SUGCT: variants seen among roughly 807,000 people sequenced by gnomAD.
SUGCT encodes succinyl-CoA:glutarate CoA-transferase.
Under a neutral mutation model 55.0 loss-of-function variants are expected in SUGCT, and 41 were observed. That is an observed-to-expected ratio of 0.74 (90% CI 0.58 to 0.97). The LOEUF (loss-of-function observed/expected upper bound fraction) is 0.97. SUGCT is among the 50% of genes least tolerant of loss of function. SUGCT has a pLI of 0.00. For missense variants in SUGCT, 568 were observed against 547.8 expected, an observed-to-expected ratio of 1.04 and a Z score of -0.37; for synonymous variants, 187 against 200.4, an observed-to-expected ratio of 0.93 and a Z score of 0.56.
the SUGCT span, among the ~76,000 whole-genome samples, chr7:41,022,248 C>T: frequency 6.6e-6 from 1 of 152,032 alleles, no homozygotes; most frequent in Non-Finnish European, 1.5e-5. Flanking sequence ...AAATAATAAT[C>T]TTGTCATCAC....
the SUGCT span, among the ~76,000 whole-genome samples, chr7:40,938,116 C>T: frequency 0.081 from 12,384 of 152,232 alleles, 561 homozygotes; most frequent in African/African-American, 0.11. Flanking sequence ...TAATAGGCCA[C>T]GGACTGCTAC....
chr7:40,636,556 C>T (rs1800030672), intron 12 of SUGCT, among the ~76,000 whole-genome samples: 1 of 152,082 alleles, frequency 6.6e-6, no homozygotes. Flanking sequence ...GCACTGTAGT[C>T]CTTATAAAGG....
the SUGCT span, among the ~76,000 whole-genome samples, chr7:40,995,421 C>G: frequency 2.8e-5 from 3 of 108,558 alleles, no homozygotes; most frequent in African/African-American, 1.2e-4. Flanking sequence ...AGTTTACTCT[C>G]TTTCATCACC....
chr7:40,445,464 T>C (rs1788772715), intron 9 of SUGCT, among the ~76,000 whole-genome samples: 1 of 152,142 alleles, frequency 6.6e-6, no homozygotes, highest in South Asian at 2.1e-4. Context: ...GTTGAATCCC[T>C]GAATAGACCA....
chr7:40,687,214 G>C (rs1784505743), intron 12 of SUGCT, among the ~76,000 whole-genome samples: 2 of 152,124 alleles, frequency 1.3e-5, no homozygotes, highest in African/African-American at 4.8e-5. Context: ...AGAATTATGA[G>C]GGAAGAGTAA....
chr7:40,334,581 T>C (rs748081347), intron 9 of SUGCT, among the ~76,000 whole-genome samples: 5 of 152,154 alleles, frequency 3.3e-5, no homozygotes, highest in Non-Finnish European at 5.9e-5. Context: ...TATCCTTCGC[T>C]CACTTTTTGA....
At chr7:40,793,697 T>C (rs1790423126) in intron 13 of SUGCT, among the ~76,000 whole-genome samples, 1 of 152,172 alleles carries the variant, frequency 6.6e-6, no homozygotes. Flanking sequence ...TGAGAAGTCA[T>C]GTCTGTCAAC....
intron 12 of SUGCT, among the ~76,000 whole-genome samples, chr7:40,571,106 A>G (rs1179064778): frequency 6.6e-6 from 1 of 151,802 alleles, no homozygotes; most frequent in African/African-American, 2.4e-5. Context: ...TGATCAAAAT[A>G]CCACATAAAG....
intron 11 of SUGCT, among the ~76,000 whole-genome samples, chr7:40,475,039 T>C (rs1312374857): frequency 6.6e-6 from 1 of 152,212 alleles, no homozygotes; most frequent in African/African-American, 2.4e-5. Context: ...TCACTCTTTT[T>C]GGAAGCTATG....
chr7:40,338,604 C>T (rs577516958), intron 9 of SUGCT, among the ~76,000 whole-genome samples: 1 of 152,286 alleles, frequency 6.6e-6, no homozygotes, highest in East Asian at 1.9e-4. Context: ...TCCATCAGGT[C>T]ATTTAAGGTC....
chr7:40,299,543 C>T (rs1439823146), intron 8 of SUGCT, among the ~76,000 whole-genome samples: 1 of 152,134 alleles, frequency 6.6e-6, no homozygotes, highest in African/African-American at 2.4e-5. Flanking sequence ...CAAGTACAAG[C>T]TAGCTGCAGC....
At chr7:40,351,286 C>T (rs1255090873) in intron 9 of SUGCT, among the ~76,000 whole-genome samples, 1 of 151,944 alleles carries the variant, frequency 6.6e-6, no homozygotes, top group Non-Finnish European at 1.5e-5. Context: ...AATAATTTTT[C>T]TTTCATGACC....
the SUGCT span, among the ~76,000 whole-genome samples, chr7:40,873,748 G>A: frequency 5.3e-5 from 8 of 152,156 alleles, no homozygotes; most frequent in Admixed American, 1.3e-4. Context: ...GTTAAGCTTT[G>A]GATATACAGA....
intron 13 of SUGCT, among the ~76,000 whole-genome samples, chr7:40,826,361 G>A (rs1029137262): frequency 6.6e-6 from 1 of 152,028 alleles, no homozygotes; most frequent in Non-Finnish European, 1.5e-5. Flanking sequence ...ATATGAACAA[G>A]CATTGCAAAC....
At chr7:40,161,408 C>G (rs939304173) in intron 1 of SUGCT, among the ~76,000 whole-genome samples, 3 of 152,046 alleles carry the variant, frequency 2.0e-5, no homozygotes, top group Non-Finnish European at 2.9e-5. Context: ...TATTCACACT[C>G]TTAACACTGC....
intron 12 of SUGCT, among the ~76,000 whole-genome samples, chr7:40,718,990 T>C (rs954360032): frequency 6.6e-6 from 1 of 152,260 alleles, no homozygotes; most frequent in African/African-American, 2.4e-5. Flanking sequence ...AAATTTCTTA[T>C]GTAACATTCC....
chr7:40,972,250 A>C, the SUGCT span, among the ~76,000 whole-genome samples: 1 of 152,174 alleles, frequency 6.6e-6, no homozygotes, highest in Non-Finnish European at 1.5e-5. Flanking sequence ...CAATTAACTT[A>C]ACCAATTTCT....
At chr7:40,203,251 G>A (rs1051999289) in intron 6 of SUGCT, among the ~76,000 whole-genome samples, 2 of 152,174 alleles carry the variant, frequency 1.3e-5, no homozygotes, top group Non-Finnish European at 2.9e-5. Context: ...ATAAGCTAAT[G>A]GCAGCAAAAC....
At chr7:40,217,501 C>A in intron 6 of SUGCT, 1 of 416,388 alleles carries the variant, frequency 2.4e-6, no homozygotes, top group South Asian at 1.7e-5. Flanking sequence ...AATGAGCCAC[C>A]GCGCCTGGCC....
Sources: allele counts gnomAD v4.1 joint callset (sites outside exome capture counted in the v4.1 genomes callset), GRCh38; gene constraint gnomAD v4.1.1; transcripts MANE v1.5; gene names NCBI Gene and HGNC (gene_info 2026-07-23, HGNC 2026-07-21).